The following CACNG3 variants were observed in gnomAD, a reference collection of about 807,000 sequenced individuals.
The protein encoded by CACNG3 is voltage-dependent calcium channel gamma-3 subunit.
A neutral mutation model predicts 28.5 loss-of-function variants in CACNG3; 3 were observed. The observed-to-expected ratio is 0.11, with a 90% confidence interval of 0.05 to 0.27. The LOEUF is 0.27. Among genes scored for constraint, CACNG3 ranks in the 10% least tolerant of loss-of-function variants. The probability of loss-of-function intolerance (pLI) is 1.00; values close to 1 mark genes in which losing one functional copy is unlikely to be tolerated. For missense variants in CACNG3, 236 were observed against 414.4 expected (o/e 0.57, Z 3.74); for synonymous variants, 174 against 162.2 (o/e 1.07, Z -0.55).
chr16:24,318,432 T>C (rs1039455017), intron 1 of CACNG3, among the ~76,000 whole-genome samples: 5 of 152,204 alleles, frequency 3.3e-5, no homozygotes, highest in African/African-American at 9.7e-5. Context: ...CCTCAGGTGA[T>C]TCTCCCACCT....
intron 1 of CACNG3, among the ~76,000 whole-genome samples, chr16:24,273,575 C>T (rs1033008400): frequency 2.0e-5 from 3 of 152,148 alleles, no homozygotes; most frequent in Admixed American, 6.5e-5. Context: ...GCTTGGGCTA[C>T]GGATCGATTC....
intron 1 of CACNG3, among the ~76,000 whole-genome samples, chr16:24,278,508 T>C (rs1250245802): frequency 6.6e-6 from 1 of 151,864 alleles, no homozygotes; most frequent in Admixed American, 6.6e-5. Context: ...CCCAGCTACT[T>C]GGGAGGCTGA....
intron 1 of CACNG3, among the ~76,000 whole-genome samples, chr16:24,273,576 G>A (rs957335942): frequency 6.6e-5 from 10 of 152,096 alleles, no homozygotes; most frequent in African/African-American, 2.4e-4. Flanking sequence ...CTTGGGCTAC[G>A]GATCGATTCT....
intron 1 of CACNG3, among the ~76,000 whole-genome samples, chr16:24,323,234 AAAAAAAGAG>A (rs1258801925): frequency 6.9e-6 from 1 of 144,796 alleles, no homozygotes; most frequent in Non-Finnish European, 1.5e-5. Flanking sequence ...AAAAAAAAAA[AAAAAAAGAG>A]AGAGAGAGAA....
At chr16:24,294,278 A>G (rs1215887280) in intron 1 of CACNG3, among the ~76,000 whole-genome samples, 1 of 152,184 alleles carries the variant, frequency 6.6e-6, no homozygotes, top group Non-Finnish European at 1.5e-5. Flanking sequence ...CTTGGGAGTG[A>G]GAAATCCCCG....
intron 1 of CACNG3, among the ~76,000 whole-genome samples, chr16:24,326,218 C>T (rs1899540728): frequency 6.7e-6 from 1 of 149,504 alleles, no homozygotes; most frequent in Admixed American, 6.7e-5. Context: ...GTTGCCCAGA[C>T]TAGAGTGCAA....
At chr16:24,315,985 G>A (rs1899347000) in intron 1 of CACNG3, among the ~76,000 whole-genome samples, 2 of 151,958 alleles carry the variant, frequency 1.3e-5, no homozygotes, top group Non-Finnish European at 2.9e-5. Context: ...AACACTTATT[G>A]AGCATGTACT....
intron 1 of CACNG3, among the ~76,000 whole-genome samples, chr16:24,257,793 T>C (rs1226320252): frequency 6.6e-6 from 1 of 152,046 alleles, no homozygotes; most frequent in East Asian, 1.9e-4. Flanking sequence ...AATTAGGGAG[T>C]AGTTATAACT....
intron 1 of CACNG3, among the ~76,000 whole-genome samples, chr16:24,282,786 CTTCTA>C (rs1216142076): frequency 2.0e-5 from 3 of 151,830 alleles, no homozygotes; most frequent in Non-Finnish European, 4.4e-5. Context: ...ATTTCTGAAC[CTTCTA>C]TTCTTTTCTT....
chr16:24,326,411 T>A (rs1347988970), intron 1 of CACNG3, among the ~76,000 whole-genome samples: 1 of 152,140 alleles, frequency 6.6e-6, no homozygotes, highest in African/African-American at 2.4e-5. Context: ...CCTCAGGTGA[T>A]CCGCCCGCCT....
intron 1 of CACNG3, among the ~76,000 whole-genome samples, chr16:24,345,191 C>T (rs975829835): frequency 5.3e-5 from 8 of 152,080 alleles, no homozygotes; most frequent in African/African-American, 1.4e-4. Context: ...TCTGAAATAC[C>T]AACGCAGCTC....
rs539065884 is a variant in CACNG3, at chr16:24,297,320, C to T, written c.211+40355C>T. 5.3e-5 allele frequency among the ~76,000 whole-genome samples: 8 copies of T among 151,758 alleles called. No homozygotes were observed. The East Asian group carries it at 9.7e-4, about 18-fold the overall frequency. Reference sequence around the variant, plus strand: ...TAAATAAAAATACTGATGTCTGTCCCCCTCCTCCAGACCAATTTAAACAAG... The same window carrying T: ...TAAATAAAAATACTGATGTCTGTCCTCCTCCTCCAGACCAATTTAAACAAG... On this transcript the variant is annotated intron_variant, in intron 1 of 3. Coordinates refer to ENST00000005284, the MANE Select transcript of CACNG3 (RefSeq NM_006539.4).
intron 1 of CACNG3, among the ~76,000 whole-genome samples, chr16:24,332,979 G>A (rs1443472790): frequency 6.6e-6 from 1 of 152,168 alleles, no homozygotes; most frequent in African/African-American, 2.4e-5. Flanking sequence ...TGGAAGAAGA[G>A]AAAATTGACA....
intron 1 of CACNG3, among the ~76,000 whole-genome samples, chr16:24,301,660 C>T (rs1899113170): frequency 1.3e-5 from 2 of 152,174 alleles, no homozygotes; most frequent in Admixed American, 6.5e-5. Flanking sequence ...GGTTTGAAGA[C>T]ATCGCACAAG....
chr16:24,340,494 G>A (rs1186245661), intron 1 of CACNG3, among the ~76,000 whole-genome samples: 2 of 152,104 alleles, frequency 1.3e-5, no homozygotes, highest in Non-Finnish European at 1.5e-5. Context: ...CGTTATATAC[G>A]TGTATCAAAG....
At chr16:24,306,973 G>T (rs752046332) in intron 1 of CACNG3, among the ~76,000 whole-genome samples, 5 of 152,160 alleles carry the variant, frequency 3.3e-5, no homozygotes, top group African/African-American at 1.2e-4. Context: ...GTTGAGTGCC[G>T]CTCCGGGTAC....
intron 1 of CACNG3, among the ~76,000 whole-genome samples, chr16:24,326,575 G>T (rs1460140592): frequency 6.6e-6 from 1 of 152,192 alleles, no homozygotes; most frequent in East Asian, 1.9e-4. Flanking sequence ...AATCAAGGTG[G>T]TGAGACATGT....
intron 1 of CACNG3, among the ~76,000 whole-genome samples, chr16:24,309,122 A>G (rs1327228196): frequency 6.6e-6 from 1 of 152,172 alleles, no homozygotes; most frequent in Non-Finnish European, 1.5e-5. Flanking sequence ...GCACTTAACC[A>G]TTGTTCGATT....
chr16:24,349,259 A>G (rs1899909950), intron 2 of CACNG3, among the ~76,000 whole-genome samples: 1 of 152,232 alleles, frequency 6.6e-6, no homozygotes, highest in African/African-American at 2.4e-5. Flanking sequence ...AGGCTACAGC[A>G]TAAACCCATA....
Sources: allele counts gnomAD v4.1 joint callset (sites outside exome capture counted in the v4.1 genomes callset), GRCh38; gene constraint gnomAD v4.1.1; transcripts MANE v1.5; gene names NCBI Gene and HGNC (gene_info 2026-07-23, HGNC 2026-07-21).